CA10: variants seen among roughly 807,000 people sequenced by gnomAD.
CA10 encodes the protein carbonic anhydrase-related protein 10.
A neutral mutation model predicts 44.2 loss-of-function variants in CA10; 14 were observed. The observed-to-expected ratio is 0.32, with a 90% confidence interval of 0.21 to 0.50. The LOEUF is 0.50. Ranked by LOEUF, CA10 falls within the 20% of genes least tolerant of loss-of-function variation. CA10 has a pLI of 0.99. For synonymous variants in CA10, 159 were observed against 141.6 expected (o/e 1.12, Z -0.87); for missense variants, 350 against 409.7 (o/e 0.85, Z 1.26).
At chr17:51,717,408 AAAG>A (rs1916145497) in intron 4 of CA10, among the ~76,000 whole-genome samples, 2 of 151,674 alleles carry the variant, frequency 1.3e-5, no homozygotes, top group African/African-American at 4.8e-5. Context: ...ATCCAGAGGA[AAAG>A]AAGTCGTTAT....
At chr17:52,120,413 A>ACCTTAT (rs76764541) in intron 1 of CA10, among the ~76,000 whole-genome samples, 6,514 of 144,970 alleles carry the variant, frequency 0.045, 234 homozygotes, top group East Asian at 0.075. Context: ...TTCATCCTTA[A>ACCTTAT]CCTTATCCTT....
chr17:51,681,883 A>G (rs943980073), intron 4 of CA10, among the ~76,000 whole-genome samples: 3 of 152,152 alleles, frequency 2.0e-5, no homozygotes, highest in Admixed American at 2.0e-4. Context: ...CCATGGGTAC[A>G]TATTATTAAG....
intron 2 of CA10, among the ~76,000 whole-genome samples, chr17:51,953,826 T>C (rs1983571136): frequency 6.6e-6 from 1 of 152,224 alleles, no homozygotes; most frequent in African/African-American, 2.4e-5. Context: ...CTTAGATATA[T>C]AAAGGGTACA....
At chr17:51,872,020 C>T (rs905125037) in intron 3 of CA10, among the ~76,000 whole-genome samples, 1 of 152,122 alleles carries the variant, frequency 6.6e-6, no homozygotes, top group African/African-American at 2.4e-5. Context: ...TACAAGATGG[C>T]ATTTGAATTT....
intron 3 of CA10, among the ~76,000 whole-genome samples, chr17:51,797,599 T>C (rs1906762966): frequency 6.6e-6 from 1 of 152,100 alleles, no homozygotes; most frequent in South Asian, 2.1e-4. Context: ...CTCACACCTG[T>C]AATCCCAGCA....
intron 1 of CA10, among the ~76,000 whole-genome samples, chr17:52,108,866 C>A (rs1490268123): frequency 2.0e-5 from 3 of 152,040 alleles, no homozygotes; most frequent in Non-Finnish European, 2.9e-5. Context: ...AAAGAACTTA[C>A]CCATGTAATC....
At chr17:52,159,039 C>T (rs574903769), upstream of CA10, among the ~76,000 whole-genome samples, 10 of 152,354 alleles carry the variant, frequency 6.6e-5, no homozygotes, top group Non-Finnish European at 1.2e-4. Context: ...CCCTGGCTGC[C>T]TCTGTTACCC....
intron 4 of CA10, among the ~76,000 whole-genome samples, chr17:51,712,221 G>A (rs760896465): frequency 6.6e-6 from 1 of 152,106 alleles, no homozygotes. Flanking sequence ...CCCTTTCTAC[G>A]CATTTCACAA....
chr17:51,759,674 C>CAGT (rs1567830278), intron 3 of CA10, among the ~76,000 whole-genome samples: 1 of 152,108 alleles, frequency 6.6e-6, no homozygotes, highest in East Asian at 1.9e-4. Flanking sequence ...CATTCTGCCT[C>CAGT]AGTAGGTCTG....
intron 3 of CA10, among the ~76,000 whole-genome samples, chr17:51,804,093 G>A (rs961127387): frequency 2.6e-5 from 4 of 152,170 alleles, no homozygotes; most frequent in Admixed American, 6.5e-5. Flanking sequence ...TTATTATACA[G>A]TTTATAGAAT....
chr17:52,110,915 G>T (rs1988776397), intron 1 of CA10, among the ~76,000 whole-genome samples: 1 of 152,114 alleles, frequency 6.6e-6, no homozygotes, highest in African/African-American at 2.4e-5. Context: ...ACCATGTAAG[G>T]GAGATCTGGG....
chr17:52,144,010 G>T (rs1186914291), intron 1 of CA10, among the ~76,000 whole-genome samples: 2 of 152,140 alleles, frequency 1.3e-5, no homozygotes, highest in Admixed American at 6.5e-5. Context: ...GAACCATACT[G>T]CAATCTCAGG....
chr17:51,715,217 G>T (rs1333885922), intron 4 of CA10, among the ~76,000 whole-genome samples: 2 of 152,050 alleles, frequency 1.3e-5, no homozygotes, highest in Non-Finnish European at 2.9e-5. Context: ...GGACTGTTGT[G>T]GGGTGGGGGG....
chr17:51,874,368 T>C (rs1201665061), intron 3 of CA10, among the ~76,000 whole-genome samples: 6 of 149,694 alleles, frequency 4.0e-5, no homozygotes, highest in Non-Finnish European at 8.9e-5. Context: ...CATCTGAGCA[T>C]CTACTCTTGG....
intron 3 of CA10, among the ~76,000 whole-genome samples, chr17:51,922,639 A>G (rs1982279247): frequency 6.6e-6 from 1 of 152,152 alleles, no homozygotes; most frequent in Non-Finnish European, 1.5e-5. Context: ...AGCTCCTGCC[A>G]GTTCCTTTTT....
Position 51,777,415 on chromosome 17 carries a change from T to C in CA10, c.280-29597A>G, listed in dbSNP as rs141925746. On this transcript the variant is annotated intron_variant, in intron 3 of 8. Transcript: ENST00000451037. ...GATCAAAAATACAGTATTTGAGGGATATAAAACCCACATATATGGAGGGCC... is the reference window on the plus strand; with the variant it reads ...GATCAAAAATACAGTATTTGAGGGACATAAAACCCACATATATGGAGGGCC... Among the ~76,000 whole-genome samples the C allele has an allele frequency of 1.6e-3, 236 of 152,252 alleles. 1 individual carries two copies. The highest frequency in any genetic ancestry group is 5.5e-3 in the African/African-American group (229 of 41,564).
chr17:51,794,367 G>A (rs186574541), intron 3 of CA10, among the ~76,000 whole-genome samples: 2 of 152,306 alleles, frequency 1.3e-5, no homozygotes, highest in Admixed American at 1.3e-4. Context: ...GAGGCTACAT[G>A]CTTGGTTGAA....
chr17:52,058,824 T>G (rs1272454909), intron 2 of CA10, among the ~76,000 whole-genome samples: 1 of 152,112 alleles, frequency 6.6e-6, no homozygotes, highest in African/African-American at 2.4e-5. Flanking sequence ...CCACCACTCA[T>G]GTCTCACATG....
At chr17:52,150,776 A>G (rs1225630628) in intron 1 of CA10, among the ~76,000 whole-genome samples, 1 of 152,184 alleles carries the variant, frequency 6.6e-6, no homozygotes, top group African/African-American at 2.4e-5. Flanking sequence ...CAATGCATGT[A>G]CAGATGATTC....
Sources: gnomAD v4.1 joint callset for allele counts (sites outside exome capture counted in the v4.1 genomes callset) on GRCh38, gnomAD v4.1.1 for gene constraint, MANE v1.5 for transcripts, NCBI Gene and HGNC (gene_info 2026-07-23, HGNC 2026-07-21) for gene names.